NKAIN3: variants seen among roughly 807,000 people sequenced by gnomAD.
The protein encoded by NKAIN3 is sodium/potassium-transporting ATPase subunit beta-1-interacting protein 3.
In NKAIN3, 25 loss-of-function variants were observed where a neutral mutation model predicts 30.2. That is an observed-to-expected ratio of 0.83 (90% CI 0.60 to 1.16). The LOEUF is 1.16. Ranked by LOEUF, NKAIN3 falls within the 50% of genes most tolerant of loss-of-function variation. The pLI, the probability that NKAIN3 is intolerant of heterozygous loss-of-function variation, is 0.00. For missense variants in NKAIN3, 225 were observed against 254.1 expected, an observed-to-expected ratio of 0.89 and a Z score of 0.78; for synonymous variants, 91 against 89.6, an observed-to-expected ratio of 1.02 and a Z score of -0.09.
At chr8:62,454,487 C>T (rs1805753986) in intron 1 of NKAIN3, among the ~76,000 whole-genome samples, 1 of 151,906 alleles carries the variant, frequency 6.6e-6, no homozygotes, top group Admixed American at 6.6e-5. Context: ...TTCACAACTC[C>T]TGCCCTATAA....
chr8:62,823,873 AG>A (rs1818934323), intron 4 of NKAIN3, among the ~76,000 whole-genome samples: 1 of 152,176 alleles, frequency 6.6e-6, no homozygotes, highest in Admixed American at 6.5e-5. Flanking sequence ...CTCTCACACC[AG>A]TTGTCTTACA....
chr8:62,500,069 G>C (rs533610841), intron 1 of NKAIN3, among the ~76,000 whole-genome samples: 1 of 152,066 alleles, frequency 6.6e-6, no homozygotes, highest in Admixed American at 6.6e-5. Context: ...CATGAGTACC[G>C]CTTGTCACTG....
chr8:62,338,967 C>T (rs1434506865), intron 1 of NKAIN3, among the ~76,000 whole-genome samples: 1 of 151,990 alleles, frequency 6.6e-6, no homozygotes, highest in African/African-American at 2.4e-5. Context: ...TCCTTCAATC[C>T]AATCAAGTTC....
At chr8:62,435,076 TAAG>T (rs764738836) in intron 1 of NKAIN3, among the ~76,000 whole-genome samples, 9 of 151,898 alleles carry the variant, frequency 5.9e-5, no homozygotes, top group Admixed American at 3.9e-4. Context: ...AGGGTGGAAA[TAAG>T]GAGGAGATTT....
At chr8:62,445,809 C>T (rs1402942557) in intron 1 of NKAIN3, among the ~76,000 whole-genome samples, 5 of 152,124 alleles carry the variant, frequency 3.3e-5, no homozygotes, top group African/African-American at 1.2e-4. Flanking sequence ...ATATTGAAGT[C>T]TGGGGACTGG....
intron 5 of NKAIN3, among the ~76,000 whole-genome samples, chr8:62,940,291 TTAGA>T (rs1822914904): frequency 6.6e-6 from 1 of 151,932 alleles, no homozygotes; most frequent in African/African-American, 2.4e-5. Flanking sequence ...ACCTAAGAAA[TTAGA>T]TAGGCAGCAA....
intron 1 of NKAIN3, among the ~76,000 whole-genome samples, chr8:62,534,581 G>A (rs1808595186): frequency 6.6e-6 from 1 of 152,168 alleles, no homozygotes; most frequent in South Asian, 2.1e-4. Context: ...TAACACAGCG[G>A]TTTTCATACT....
chr8:62,608,667 G>A (rs771420717), intron 3 of NKAIN3, among the ~76,000 whole-genome samples: 14 of 152,134 alleles, frequency 9.2e-5, no homozygotes, highest in Admixed American at 2.0e-4. Flanking sequence ...GCAAGCATCT[G>A]CAATTATAGC....
chr8:62,792,410 T>A (rs923460946), intron 4 of NKAIN3, among the ~76,000 whole-genome samples: 3 of 125,030 alleles, frequency 2.4e-5, no homozygotes, highest in African/African-American at 8.8e-5. Context: ...ATTCTCAAAC[T>A]TTCAACAAGA....
chr8:62,876,443 C>T (rs1157138995), intron 4 of NKAIN3, among the ~76,000 whole-genome samples: 1 of 152,110 alleles, frequency 6.6e-6, no homozygotes, highest in Non-Finnish European at 1.5e-5. Context: ...TACCATTTGA[C>T]CCAGCAATCC....
intron 3 of NKAIN3, among the ~76,000 whole-genome samples, chr8:62,620,743 G>T (rs1472702852): frequency 6.6e-6 from 1 of 152,044 alleles, no homozygotes; most frequent in Non-Finnish European, 1.5e-5. Flanking sequence ...TTATGTATCA[G>T]GTCTTTTTCT....
At chr8:62,770,800 A>G (rs1029097713) in intron 4 of NKAIN3, among the ~76,000 whole-genome samples, 1 of 152,006 alleles carries the variant, frequency 6.6e-6, no homozygotes, top group South Asian at 2.1e-4. Flanking sequence ...AAAAAAAACT[A>G]AGCAGAGACT....
intron 4 of NKAIN3, among the ~76,000 whole-genome samples, chr8:62,854,871 C>T (rs1904571): frequency 0.081 from 12,267 of 152,064 alleles, 560 homozygotes; most frequent in South Asian, 0.14. Context: ...TTCCTTCATA[C>T]GCTCCTGTAA....
intron 4 of NKAIN3, among the ~76,000 whole-genome samples, chr8:62,820,647 G>C (rs981209465): frequency 6.6e-6 from 1 of 152,068 alleles, no homozygotes; most frequent in Non-Finnish European, 1.5e-5. Context: ...CTGGTGAACC[G>C]ACAAACTAAT....
intron 3 of NKAIN3, among the ~76,000 whole-genome samples, chr8:62,656,814 T>C (rs909804003): frequency 2.0e-5 from 3 of 152,168 alleles, no homozygotes; most frequent in Non-Finnish European, 4.4e-5. Flanking sequence ...AAGAGAAACC[T>C]GTAATGGTGT....
intron 1 of NKAIN3, among the ~76,000 whole-genome samples, chr8:62,264,784 C>T (rs952343268): frequency 1.3e-5 from 2 of 152,162 alleles, no homozygotes; most frequent in Non-Finnish European, 2.9e-5. Context: ...TCCAGCTGTC[C>T]ATTGTGATGG....
intron 4 of NKAIN3, among the ~76,000 whole-genome samples, chr8:62,911,125 A>G (rs980078546): frequency 6.6e-6 from 1 of 152,344 alleles, no homozygotes; most frequent in East Asian, 1.9e-4. Context: ...TTAAGTCAAT[A>G]TAAAGGTGTG....
intron 4 of NKAIN3, chr8:62,863,368 A>C: frequency 6.5e-7 from 1 of 1,546,886 alleles, no homozygotes; most frequent in Non-Finnish European, 8.8e-7. Context: ...CGTTCTTCTC[A>C]CATATGCATC....
At chr8:62,790,511 C>T (rs1340926982) in intron 4 of NKAIN3, among the ~76,000 whole-genome samples, 1 of 151,740 alleles carries the variant, frequency 6.6e-6, no homozygotes, top group Non-Finnish European at 1.5e-5. Flanking sequence ...TGGTGTGATG[C>T]TGAATACCAC....
Sources: allele counts gnomAD v4.1 joint callset (sites outside exome capture counted in the v4.1 genomes callset), GRCh38; gene constraint gnomAD v4.1.1; transcripts MANE v1.5; gene names NCBI Gene and HGNC (gene_info 2026-07-23, HGNC 2026-07-21).